Variants in DGKB observed in about 807,000 individuals in gnomAD.
DGKB encodes the protein 90 kDa diacylglycerol kinase.
In DGKB, 67 loss-of-function variants were observed where a neutral mutation model predicts 114.3. The observed-to-expected ratio is 0.59, with a 90% CI of 0.48 to 0.72. DGKB has a LOEUF of 0.72. DGKB is among the 30% of genes least tolerant of loss of function. The pLI, the probability that DGKB is intolerant of heterozygous loss-of-function variation, is 0.00. For missense variants in DGKB, 907 were observed against 975.2 expected (o/e 0.93, Z 0.93); for synonymous variants, 398 against 323.1 (o/e 1.23, Z -2.49).
At chr7:14,313,986 G>A (rs1318434655) in intron 23 of DGKB, among the ~76,000 whole-genome samples, 4 of 152,180 alleles carry the variant, frequency 2.6e-5, no homozygotes, top group South Asian at 2.1e-4. Context: ...TGACCCCCGA[G>A]CAGTTTAACT....
intron 1 of DGKB, among the ~76,000 whole-genome samples, chr7:14,864,225 A>T (rs113904707): frequency 3.9e-5 from 6 of 152,240 alleles, no homozygotes; most frequent in African/African-American, 1.2e-4. Context: ...TTTCGTACAG[A>T]TAACTTTCTG....
intron 20 of DGKB, among the ~76,000 whole-genome samples, chr7:14,550,635 T>A (rs1382832881): frequency 6.6e-6 from 1 of 152,176 alleles, no homozygotes; most frequent in Admixed American, 6.5e-5. Context: ...TCATGTGCTT[T>A]ATAGTCTTCA....
At chr7:14,357,664 G>A (rs893922450) in intron 21 of DGKB, among the ~76,000 whole-genome samples, 10 of 152,070 alleles carry the variant, frequency 6.6e-5, no homozygotes, top group Admixed American at 1.3e-4. Flanking sequence ...TATTTTGCCC[G>A]TTAGTTGATG....
chr7:14,395,540 C>T (rs1371448456), intron 21 of DGKB, among the ~76,000 whole-genome samples: 1 of 151,710 alleles, frequency 6.6e-6, no homozygotes, highest in African/African-American at 2.4e-5. Context: ...GATGTTCAAA[C>T]ACCATATAGT....
intron 1 of DGKB, among the ~76,000 whole-genome samples, chr7:14,953,564 T>C (rs2128261638): frequency 6.6e-6 from 1 of 152,124 alleles, no homozygotes; most frequent in African/African-American, 2.4e-5. Flanking sequence ...TTGACATAAA[T>C]GGAGATATTA....
At chr7:14,577,969 G>C (rs1799408039) in intron 19 of DGKB, among the ~76,000 whole-genome samples, 1 of 152,138 alleles carries the variant, frequency 6.6e-6, no homozygotes, top group Non-Finnish European at 1.5e-5. Context: ...GTTTGGCTCT[G>C]TGTCCCCACT....
rs867890253 is a variant in DGKB at position 14,661,390 on chromosome 7, C to T, written c.1134+11539G>A. ...ACAAACAACCCCATCAAAAAGTGGG[C>T]GAAGGACATGAACAGACACTTCTCA... is the stretch of plus-strand genomic sequence containing the variant. On this transcript the variant is annotated intron_variant, in intron 13 of 25. Transcript: ENST00000402815. Among the ~76,000 whole-genome samples the T allele has an allele frequency of 1.9e-3, 275 of 143,214 alleles. 1 individual carries two copies. Among genetic ancestry groups the T allele is most frequent in the African/African-American group, 6.1e-3 (237 of 39,134 alleles). 94.0% of individuals were successfully genotyped at this position (143,214 alleles called of 152,430 possible). A position where few individuals can be genotyped will look rare whatever the true frequency, so the allele number is the denominator to read the frequency against.
At position 14,391,569 on chromosome 7, in the gene DGKB, T is replaced by C. The variant is rs955686552; in HGVS notation, c.1836-46178A>G. Among the ~76,000 whole-genome samples the C allele has an allele frequency of 5.3e-5, 8 of 151,306 alleles. No homozygotes were observed. In the East Asian group the frequency reaches 1.4e-3, roughly 26 times the overall value. On this transcript the variant is annotated intron_variant, in intron 21 of 25. Transcript: ENST00000402815. ...AGCCCGGTGTGGTGGCAGATGCCTA[T>C]AGTCCCATAGTCCCAGCTACTCAGG...
Position 14,841,483 on chromosome 7 carries a change from G to C in DGKB, c.-187-33C>G, listed in dbSNP as rs528480659. The C allele has an allele frequency of 2.2e-5, 9 of 402,918 alleles. No homozygotes were observed. In the South Asian group the frequency reaches 6.0e-4, roughly 27 times the overall value. 25.0% of individuals were successfully genotyped at this position (402,918 alleles called of 1,614,324 possible). ...AAAAAAAAACAGATCAAGATCAAAA[G>C]ATTAACATGATTGCACAAAGGAAAA... On this transcript the variant is annotated intron_variant, in intron 1 of 25. Transcript: ENST00000402815.
At chr7:14,424,384 C>T (rs184188626) in intron 21 of DGKB, among the ~76,000 whole-genome samples, 1 of 150,202 alleles carries the variant, frequency 6.7e-6, no homozygotes, top group East Asian at 1.9e-4. Flanking sequence ...CAGATTTCCA[C>T]CTGTCCCATT....
chr7:14,958,015 C>T (rs1178327815), intron 1 of DGKB, among the ~76,000 whole-genome samples: 2 of 151,896 alleles, frequency 1.3e-5, no homozygotes, highest in African/African-American at 2.4e-5. Flanking sequence ...TACGTAAAAT[C>T]AGTTTAGGGT....
chr7:14,159,138 G>A (rs1466099958), intron 25 of DGKB, among the ~76,000 whole-genome samples: 1 of 151,934 alleles, frequency 6.6e-6, no homozygotes, highest in East Asian at 1.9e-4. Flanking sequence ...TTTCTCATGA[G>A]GGCTCCCAGG....
intron 1 of DGKB, among the ~76,000 whole-genome samples, chr7:14,898,110 A>C (rs1782401699): frequency 5.3e-5 from 8 of 152,048 alleles, no homozygotes; most frequent in Admixed American, 5.3e-4. Context: ...CCGTGGTAGA[A>C]TCCAACTAGA....
intron 23 of DGKB, among the ~76,000 whole-genome samples, chr7:14,299,856 G>T (rs1803213683): frequency 6.6e-6 from 1 of 151,328 alleles, no homozygotes; most frequent in Non-Finnish European, 1.5e-5. Flanking sequence ...ATTAATCAAG[G>T]TATTATTTCT....
chr7:14,299,235 A>G (rs1170166296), intron 23 of DGKB, among the ~76,000 whole-genome samples: 1 of 152,154 alleles, frequency 6.6e-6, no homozygotes. Flanking sequence ...GTAGAAGCAG[A>G]TAGAAAAAGA....
chr7:14,695,666 A>C (rs1823736315), intron 8 of DGKB, among the ~76,000 whole-genome samples: 1 of 151,608 alleles, frequency 6.6e-6, no homozygotes, highest in African/African-American at 2.4e-5. Context: ...CGCCCGGCTG[A>C]TTTTTTTTGT....
chr7:14,245,590 A>G (rs553072171), intron 23 of DGKB, among the ~76,000 whole-genome samples: 67 of 152,212 alleles, frequency 4.4e-4, no homozygotes, highest in African/African-American at 1.5e-3. Context: ...TAATTAAAGG[A>G]CAAGTTTACC....
At chr7:14,345,623 T>C (rs1163634939) in intron 21 of DGKB, among the ~76,000 whole-genome samples, 2 of 151,676 alleles carry the variant, frequency 1.3e-5, no homozygotes, top group Admixed American at 6.6e-5. Flanking sequence ...AAGTACACCT[T>C]TAGTTTTTTG....
chr7:14,300,224 A>G (rs886473900), intron 23 of DGKB, among the ~76,000 whole-genome samples: 9 of 152,116 alleles, frequency 5.9e-5, no homozygotes, highest in Non-Finnish European at 1.2e-4. Context: ...AGATGTCACT[A>G]TGATTTTAAA....
Sources: allele counts gnomAD v4.1 joint callset (sites outside exome capture counted in the v4.1 genomes callset), GRCh38; gene constraint gnomAD v4.1.1; transcripts MANE v1.5; gene names NCBI Gene and HGNC (gene_info 2026-07-23, HGNC 2026-07-21).